Variants in GBE1 observed in about 807,000 individuals in gnomAD.
GBE1 encodes the protein 1,4-alpha-glucan branching enzyme 1.
GBE1 carries 70 observed loss-of-function variants against 88.8 expected under a neutral mutation model. That is an observed-to-expected ratio of 0.79 (90% CI 0.65 to 0.96). The LOEUF is 0.96. GBE1 is among the 40% of genes least tolerant of loss of function. The pLI is 0.00. For synonymous variants in GBE1, 284 were observed against 300.1 expected, an observed-to-expected ratio of 0.95 and a Z score of 0.56; for missense variants, 872 against 871.0, an observed-to-expected ratio of 1.00 and a Z score of -0.01.
At chr3:81,568,656 T>C (rs1212786036) in intron 12 of GBE1, among the ~76,000 whole-genome samples, 2 of 152,176 alleles carry the variant, frequency 1.3e-5, no homozygotes, top group Admixed American at 1.3e-4. Context: ...AATGAGTGAA[T>C]GAAAGCAAGC....
chr3:81,669,998 C>T lies in GBE1; in HGVS notation c.429+840G>A, dbSNP rs149336272. ...GTTAAATAACAAATACCAATAAAAA[C>T]AACTCAATCATAGGATTTATCATGG... On this transcript the variant is annotated intron_variant, in intron 3 of 15. Transcript: ENST00000429644. 4.1e-3 allele frequency among the ~76,000 whole-genome samples: 622 copies of T among 152,052 alleles called. 4 individuals carry two copies. The highest frequency in any genetic ancestry group is 0.014 in the African/African-American group (582 of 41,482).
intron 1 of GBE1, among the ~76,000 whole-genome samples, chr3:81,721,959 A>G (rs1453180902): frequency 3.3e-5 from 5 of 152,298 alleles, no homozygotes; most frequent in Admixed American, 6.5e-5. Context: ...AAGTTAAGCT[A>G]CTTTACTAAG....
chr3:81,698,165 T>C (rs1705630488), intron 2 of GBE1, among the ~76,000 whole-genome samples: 1 of 151,340 alleles, frequency 6.6e-6, no homozygotes, highest in Non-Finnish European at 1.5e-5. Flanking sequence ...ATAATCCCAT[T>C]AGGCATTATA....
At chr3:81,688,923 A>G (rs1158450921) in intron 2 of GBE1, among the ~76,000 whole-genome samples, 1 of 152,042 alleles carries the variant, frequency 6.6e-6, no homozygotes, top group African/African-American at 2.4e-5. Context: ...AACATATTAA[A>G]TATCACCATT....
At chr3:81,728,975 G>T (rs1001088293) in intron 1 of GBE1, among the ~76,000 whole-genome samples, 1 of 151,586 alleles carries the variant, frequency 6.6e-6, no homozygotes, top group African/African-American at 2.4e-5. Flanking sequence ...GAGTATCCAT[G>T]CTTTTCTCTG....
chr3:81,584,816 T>C (rs1703779342), intron 10 of GBE1, among the ~76,000 whole-genome samples: 4 of 151,648 alleles, frequency 2.6e-5, no homozygotes, highest in African/African-American at 7.3e-5. Flanking sequence ...CTTTGTGCTA[T>C]TACTGACTGA....
intron 14 of GBE1, among the ~76,000 whole-genome samples, chr3:81,516,794 TC>T: frequency 6.6e-6 from 1 of 151,684 alleles, no homozygotes; most frequent in South Asian, 2.1e-4. Context: ...ACTCAAGACT[TC>T]AGTGGAAGAA....
At chr3:81,518,663 C>A (rs1297050669) in intron 14 of GBE1, among the ~76,000 whole-genome samples, 1 of 151,164 alleles carries the variant, frequency 6.6e-6, no homozygotes, top group African/African-American at 2.4e-5. Flanking sequence ...TCAAAAGGAC[C>A]TCTATGTTTA....
intron 10 of GBE1, among the ~76,000 whole-genome samples, chr3:81,585,768 C>T (rs983463617): frequency 1.6e-4 from 24 of 152,070 alleles, no homozygotes; most frequent in Admixed American, 2.6e-4. Context: ...TAAATGAATG[C>T]TGTAATGAAG....
intron 10 of GBE1, among the ~76,000 whole-genome samples, chr3:81,581,535 T>TATTTTAGGATC (rs1240780776): frequency 6.6e-6 from 1 of 152,010 alleles, no homozygotes; most frequent in Non-Finnish European, 1.5e-5. Context: ...TTAATCATTA[T>TATTTTAGGATC]ATTTTAGGAT....
At chr3:81,582,270 C>T (rs1347244215) in intron 10 of GBE1, among the ~76,000 whole-genome samples, 2 of 152,078 alleles carry the variant, frequency 1.3e-5, no homozygotes, top group African/African-American at 4.8e-5. Context: ...CCACGAGCAT[C>T]TTTCTAAAAA....
chr3:81,551,338 C>A lies in GBE1; in HGVS notation c.1619-14243G>T, dbSNP rs557280701. On this transcript the variant is annotated intron_variant, in intron 12 of 15. Transcript: ENST00000429644. ...CCTTAACATGATGGGGGGTGCTGGA[C>A]AAGAGGGATCAAAAGAAGGCTTAAA... Among the ~76,000 whole-genome samples, 46 of 152,016 alleles carry A rather than the reference C, an allele frequency of 3.0e-4. 1 individual carries two copies. In the South Asian group the frequency reaches 9.6e-3, roughly 32 times the overall value.
Position 81,733,223 on chromosome 3 carries a change from C to CT in GBE1, c.144-27611dup, listed in dbSNP as rs953914674. The stretch of plus-strand genomic sequence containing the variant: ...ACTGTGAACTGCACATGCAAGGGAT[C>CT]TAAGTTGCGTGTTCCCATGAGAATC... On this transcript the variant is annotated intron_variant, in intron 1 of 15. Transcript: ENST00000429644. The surrounding 1 kb of genome is among the most constrained non-coding windows in gnomAD (Gnocchi z 4.0). 1.3e-5 allele frequency among the ~76,000 whole-genome samples: 2 copies of CT among 151,878 alleles called. No homozygotes were observed. Among genetic ancestry groups the CT allele is most frequent in the African/African-American group, 2.4e-5 (1 of 41,356 alleles).
intron 15 of GBE1, among the ~76,000 whole-genome samples, chr3:81,494,092 A>G (rs1237192674): frequency 6.6e-6 from 1 of 152,134 alleles, no homozygotes; most frequent in Non-Finnish European, 1.5e-5. Flanking sequence ...AATAATATAC[A>G]TATATTTCAC....
At chr3:81,610,083 C>T (rs907600744) in intron 7 of GBE1, among the ~76,000 whole-genome samples, 1 of 152,166 alleles carries the variant, frequency 6.6e-6, no homozygotes, top group African/African-American at 2.4e-5. Context: ...ATTAGTATTG[C>T]TCTGAAGTAT....
intron 10 of GBE1, among the ~76,000 whole-genome samples, chr3:81,582,696 G>A (rs1412076609): frequency 6.6e-6 from 1 of 152,030 alleles, no homozygotes; most frequent in African/African-American, 2.4e-5. Context: ...GGTAAAAAGA[G>A]AACGATAAAG....
rs1706142722 is a variant in GBE1, at chr3:81,728,552, T to C, written c.144-22939A>G. 2.0e-5 allele frequency among the ~76,000 whole-genome samples: 3 copies of C among 152,262 alleles called. 1 individual carries two copies. The South Asian group carries it at 6.2e-4, about 32-fold the overall frequency. On this transcript the variant is annotated intron_variant, in intron 1 of 15. Transcript: ENST00000429644. ...TGTGGCTAGCAGTGGATAACCAGTC[T>C]AGTCTAGAGCTGAGACCTTTAGTTT...
intron 7 of GBE1, among the ~76,000 whole-genome samples, chr3:81,635,786 T>G (rs1445104826): frequency 6.6e-6 from 1 of 152,144 alleles, no homozygotes. Context: ...CACCAACCAT[T>G]GTTTTAAGCG....
chr3:81,544,752 G>A (rs1295191665), intron 12 of GBE1, among the ~76,000 whole-genome samples: 1 of 152,070 alleles, frequency 6.6e-6, no homozygotes, highest in African/African-American at 2.4e-5. Context: ...TCCTTCTCCT[G>A]TAATTAATTT....
Sources: allele counts gnomAD v4.1 joint callset (sites outside exome capture counted in the v4.1 genomes callset), GRCh38; gene constraint gnomAD v4.1.1; non-coding constraint Gnocchi (gnomAD v3.1); transcripts MANE v1.5; gene names NCBI Gene and HGNC (gene_info 2026-07-23, HGNC 2026-07-21).